MALRD1: variants seen among roughly 807,000 people sequenced by gnomAD.
The protein encoded by MALRD1 is MAM and LDL receptor class A domain containing 1.
In MALRD1, 247 loss-of-function variants were observed where a neutral mutation model predicts 242.1. That is an observed-to-expected ratio of 1.02 (90% CI 0.92 to 1.13). The LOEUF (loss-of-function observed/expected upper bound fraction) is 1.13, where lower values mean the gene tolerates loss of function less well. Ranked by LOEUF, MALRD1 falls within the 50% of genes most tolerant of loss-of-function variation. The pLI, the probability that MALRD1 is intolerant of heterozygous loss-of-function variation, is 0.00. For synonymous variants in MALRD1, 995 were observed against 866.6 expected, an observed-to-expected ratio of 1.15 and a Z score of -2.60; for missense variants, 2,989 against 2,533.1, an observed-to-expected ratio of 1.18 and a Z score of -3.86.
intron 30 of MALRD1, chr10:19,493,313 A>T (rs1837570529): frequency 6.6e-6 from 1 of 152,108 alleles, no homozygotes. Context: ...AATGTCTTCA[A>T]GGTTCGTTTC....
intron 5 of MALRD1, among the ~76,000 whole-genome samples, chr10:19,112,955 T>G (rs1421141411): frequency 6.6e-6 from 1 of 152,208 alleles, no homozygotes; most frequent in Non-Finnish European, 1.5e-5. Flanking sequence ...TCTTCTCTTT[T>G]TTTCACCTTT....
intron 29 of MALRD1, among the ~76,000 whole-genome samples, chr10:19,477,493 A>G (rs1836793218): frequency 1.3e-5 from 2 of 150,960 alleles, no homozygotes; most frequent in South Asian, 4.2e-4. Flanking sequence ...AATAAACACA[A>G]TAATTGTTGA....
intron 14 of MALRD1, among the ~76,000 whole-genome samples, chr10:19,199,790 G>C: frequency 6.7e-6 from 1 of 148,172 alleles, no homozygotes; most frequent in East Asian, 1.9e-4. Context: ...TATAGAGCAA[G>C]ACTCTGTCTC....
chr10:19,070,184 T>G (rs1262264470), intron 2 of MALRD1, among the ~76,000 whole-genome samples: 1 of 152,134 alleles, frequency 6.6e-6, no homozygotes, highest in Non-Finnish European at 1.5e-5. Context: ...GCTCCTCAAA[T>G]TATAATAGGA....
In MALRD1 at chr10:19,377,127, A is replaced by G. The variant is rs141996053; in HGVS notation, c.4442-10401A>G. On this transcript the variant is annotated intron_variant, in intron 26 of 39. Coordinates refer to ENST00000454679, the MANE Select transcript of MALRD1 (RefSeq NM_001142308.3). ...TGCTGAGGCATAAATAAAACTATGCATAACTGTTGGGCTCAAAACTGATGT... is the reference window on the plus strand; with the variant it reads ...TGCTGAGGCATAAATAAAACTATGCGTAACTGTTGGGCTCAAAACTGATGT... 1.3e-3 allele frequency among the ~76,000 whole-genome samples: 194 copies of G among 152,304 alleles called. 1 individual carries two copies. The highest frequency in any genetic ancestry group is 4.6e-3 in the African/African-American group (191 of 41,574).
At chr10:19,278,755 A>G (rs975024004) in intron 19 of MALRD1, among the ~76,000 whole-genome samples, 1 of 152,220 alleles carries the variant, frequency 6.6e-6, no homozygotes, top group African/African-American at 2.4e-5. Flanking sequence ...ATGCACGAGG[A>G]GAGAAGGAAA....
intron 18 of MALRD1, among the ~76,000 whole-genome samples, chr10:19,226,233 G>A (rs934737829): frequency 2.6e-5 from 4 of 152,000 alleles, no homozygotes; most frequent in South Asian, 2.1e-4. Context: ...GAAAAATCAC[G>A]TGACACTCTC....
chr10:19,657,855 C>A (rs951854069), intron 36 of MALRD1, among the ~76,000 whole-genome samples: 4 of 152,100 alleles, frequency 2.6e-5, no homozygotes, highest in Non-Finnish European at 4.4e-5. Context: ...GTTAAATACA[C>A]GACTAATTTT....
At chr10:19,050,071 A>G (rs1834439044) in intron 1 of MALRD1, among the ~76,000 whole-genome samples, 1 of 150,640 alleles carries the variant, frequency 6.6e-6, no homozygotes, top group Non-Finnish European at 1.5e-5. Context: ...ACTTAACTCA[A>G]ACATATGTCT....
chr10:19,115,168 C>T (rs1334885375), intron 5 of MALRD1, among the ~76,000 whole-genome samples: 2 of 152,142 alleles, frequency 1.3e-5, no homozygotes, highest in African/African-American at 4.8e-5. Context: ...CAGTCCTAGG[C>T]TTGCTTACCC....
chr10:19,134,448 A>T (rs993614146), intron 9 of MALRD1, among the ~76,000 whole-genome samples: 3 of 152,248 alleles, frequency 2.0e-5, no homozygotes, highest in Non-Finnish European at 2.9e-5. Context: ...GTGCAAATGT[A>T]ATTGCAGCTT....
At chr10:19,577,247 TTATTGGATTATAGAA>T in intron 33 of MALRD1, among the ~76,000 whole-genome samples, 1 of 152,308 alleles carries the variant, frequency 6.6e-6, no homozygotes, top group Non-Finnish European at 1.5e-5. Context: ...CCTGATTCAC[TTATTGGATTATAGAA>T]TATTATTAGA....
rs187134716 is a variant in MALRD1, at chr10:19,292,868, G to C, written c.3419+9687G>C. The stretch of plus-strand genomic sequence containing the variant: ...AGATCACGCCATTGCACTCCAGCCT[G>C]GGCAACAGAGCGAGACTCTGCCTCA... On this transcript the variant is annotated intron_variant, in intron 21 of 39. Transcript: ENST00000454679. Among the ~76,000 whole-genome samples the C allele has an allele frequency of 8.9e-3, 1,281 of 143,174 alleles. 8 individuals carry two copies. The highest frequency in any genetic ancestry group is 0.015 in the Non-Finnish European group (996 of 67,058). The allele number at this position is 143,174 out of a possible 152,430, so 93.9% of individuals were successfully genotyped here.
chr10:19,729,479 T>A (rs1835185522), intron 38 of MALRD1, among the ~76,000 whole-genome samples: 1 of 151,972 alleles, frequency 6.6e-6, no homozygotes, highest in Admixed American at 6.6e-5. Context: ...AAAACAATCA[T>A]CCTGGAATTG....
rs941371628 is a variant in MALRD1, at chr10:19,387,552, A to G, written c.4466A>G (p.Glu1489Gly). The G allele has an allele frequency of 1.3e-6, 2 of 1,550,144 alleles. No individual in the cohort carries two copies. The highest frequency in any genetic ancestry group is 2.7e-5 in the African/African-American group (2 of 72,976). Reference protein sequence around the residue: ...PTGFCPLGYRECHNGKCYRLE... With the variant: ...PTGFCPLGYRGCHNGKCYRLE... The stretch of plus-strand genomic sequence containing the variant: ...GGTTTCTGCCCACTTGGCTATAGGG[A>G]ATGTCATAATGGAAAATGCTATAGG... Residue 1489 changes from glutamate (E) to glycine (G), a missense_variant, in exon 27 of 40, where the codon GAA (glutamate) becomes GGA (glycine). Coordinates refer to ENST00000454679, the MANE Select transcript of MALRD1 (RefSeq NM_001142308.3).
At position 19,071,304 on chromosome 10, in the gene MALRD1, T is replaced by TC. The variant is rs200824741; in HGVS notation, c.340+4445_340+4446insC. 8.8e-3 allele frequency among the ~76,000 whole-genome samples: 1,318 copies of TC among 149,770 alleles called. 18 individuals carry two copies. The highest frequency in any genetic ancestry group is 0.031 in the African/African-American group (1,250 of 40,962). On this transcript the variant is annotated intron_variant, in intron 2 of 39. Transcript: ENST00000454679. ...TATTCATAGAACAGGGGGCACTCAT[T>TC]TTTTTTTTTTCTGGCTCTCTTCTTT...
chr10:19,214,803 G>A (rs1397216221), intron 18 of MALRD1, among the ~76,000 whole-genome samples: 1 of 152,154 alleles, frequency 6.6e-6, no homozygotes, highest in Non-Finnish European at 1.5e-5. Flanking sequence ...CTGTAAGGTG[G>A]ATGCCTGACA....
chr10:19,454,431 T>TATATATATATATACATAC (rs1011890675), intron 29 of MALRD1, among the ~76,000 whole-genome samples: 1 of 136,712 alleles, frequency 7.3e-6, no homozygotes, highest in African/African-American at 2.7e-5. Context: ...TATATATATA[T>TATATATATATATACATAC]AATTATATGA....
At position 19,523,428 on chromosome 10, in the gene MALRD1, A is replaced by G. The variant is rs1184366085; in HGVS notation, c.5321-7766A>G. Among the ~76,000 whole-genome samples, 76 of 152,210 alleles carry G rather than the reference A, an allele frequency of 5.0e-4. 1 individual carries two copies. Among genetic ancestry groups the G allele is most frequent in the Admixed American group, 5.0e-3 (76 of 15,282 alleles). On this transcript the variant is annotated intron_variant, in intron 31 of 39. Transcript: ENST00000454679. ...TCAAAGCTCTTTTATAATAGTGACCACTTATCATTTTACCTAAATAAAAGC... is the reference window on the plus strand; with the variant it reads ...TCAAAGCTCTTTTATAATAGTGACCGCTTATCATTTTACCTAAATAAAAGC...
Sources: gnomAD v4.1 joint callset for allele counts (sites outside exome capture counted in the v4.1 genomes callset) on GRCh38, gnomAD v4.1.1 for gene constraint, MANE v1.5 for transcripts, NCBI Gene and HGNC (gene_info 2026-07-23, HGNC 2026-07-21) for gene names.